The following IGF2BP3 variants were observed in gnomAD, a reference collection of about 807,000 sequenced individuals.
IGF2BP3 encodes insulin-like growth factor 2 mRNA-binding protein 3.
In IGF2BP3, 9 loss-of-function variants were observed where a neutral mutation model predicts 73.8. The ratio of observed to expected loss-of-function variants is 0.12; its 90% CI spans 0.07 to 0.21. The LOEUF is 0.21. Ranked by LOEUF, IGF2BP3 falls within the 10% of genes least tolerant of loss-of-function variation. IGF2BP3 has a pLI of 1.00. For synonymous variants in IGF2BP3, 258 were observed against 256.7 expected (o/e 1.01, Z -0.05); for missense variants, 542 against 714.0 (o/e 0.76, Z 2.75).
chr7:23,441,511 T>G (rs1436645914), intron 2 of IGF2BP3, among the ~76,000 whole-genome samples: 5 of 140,648 alleles, frequency 3.6e-5, no homozygotes, highest in Non-Finnish European at 7.5e-5. Context: ...AGGCCGAGGT[T>G]GCAGTGAGCT....
rs1187439630 is a variant in IGF2BP3 at position 23,469,358 on chromosome 7, G to A, written c.175+578C>T. ...GCCCCTATCGCTCGTCGGACCAGGG[G>A]AGGTGGAACGGGGAAACCGGGCACA... On this transcript the variant is annotated intron_variant, in intron 1 of 14. Transcript: ENST00000258729. This position sits in a 1 kb window ranked among gnomAD's most constrained non-coding sequence, Gnocchi z 6.1. The A allele has an allele frequency of 6.6e-6, 1 of 152,202 alleles. No individual in the cohort carries two copies. The highest frequency in any genetic ancestry group is 6.5e-5 in the Admixed American group (1 of 15,286). 9.4% of individuals were successfully genotyped at this position (152,202 alleles called of 1,614,324 possible). A position where few individuals can be genotyped will look rare whatever the true frequency, so the allele number is the denominator to read the frequency against.
rs1047459540 is a variant in IGF2BP3, at chr7:23,310,681, G to A, written c.*1681C>T. ...AAACTACAAAAGAAACTTGTTTTCA[G>A]AGAACATTAAGGAAAACACTTTAAA... On this transcript the variant is annotated 3_prime_UTR_variant, in exon 15 of 15. Transcript: ENST00000258729. The A allele has an allele frequency of 1.3e-5, 2 of 152,150 alleles. No homozygotes were observed. Among genetic ancestry groups the A allele is most frequent in the African/African-American group, 4.8e-5 (2 of 41,442 alleles). The allele number at this position is 152,150 out of a possible 1,614,324, so 9.4% of individuals were successfully genotyped here.
chr7:23,380,531 AC>A (rs1300242723), intron 3 of IGF2BP3, among the ~76,000 whole-genome samples: 1 of 152,162 alleles, frequency 6.6e-6, no homozygotes, highest in Non-Finnish European at 1.5e-5. Flanking sequence ...AGACTGTCAT[AC>A]ATTACTCTCA....
intron 3 of IGF2BP3, among the ~76,000 whole-genome samples, chr7:23,403,766 T>A (rs745452208): frequency 5.3e-5 from 8 of 152,146 alleles, no homozygotes; most frequent in African/African-American, 1.7e-4. Flanking sequence ...AAAATAAGAA[T>A]AGCACAATTC....
At chr7:23,367,806 G>C (rs1055306643) in intron 3 of IGF2BP3, among the ~76,000 whole-genome samples, 1 of 152,096 alleles carries the variant, frequency 6.6e-6, no homozygotes, top group Non-Finnish European at 1.5e-5. Flanking sequence ...TTTGAGACCA[G>C]CCGGGCCAAC....
chr7:23,440,499 G>A (rs2128544858), intron 2 of IGF2BP3, among the ~76,000 whole-genome samples: 1 of 152,298 alleles, frequency 6.6e-6, no homozygotes, highest in East Asian at 1.9e-4. Flanking sequence ...AATCTGTATA[G>A]GGTATTACAC....
chr7:23,372,800 T>C (rs1785598004), intron 3 of IGF2BP3, among the ~76,000 whole-genome samples: 1 of 152,238 alleles, frequency 6.6e-6, no homozygotes, highest in East Asian at 1.9e-4. Context: ...GAGTGCTTTC[T>C]GGCAGCAGCA....
intron 3 of IGF2BP3, chr7:23,402,811 T>C (rs943878462): frequency 1.3e-5 from 2 of 152,200 alleles, no homozygotes; most frequent in Non-Finnish European, 2.9e-5. Context: ...CAATTAGAAA[T>C]TTAAAAATAA....
At position 23,469,116 on chromosome 7, in the gene IGF2BP3, G is replaced by C. The variant is rs928331836; in HGVS notation, c.176-574C>G. ...AAGGACGGCGAGGCGCCCGCACCAC[G>C]TCTGAATTGATTAAAAGGGAAGCCG... On this transcript the variant is annotated intron_variant, in intron 1 of 14. Transcript: ENST00000258729. The surrounding 1 kb of genome is among the most constrained non-coding windows in gnomAD (Gnocchi z 6.1). The C allele has an allele frequency of 1.3e-5, 2 of 153,868 alleles. No homozygotes were observed. The highest frequency in any genetic ancestry group is 2.9e-5 in the Non-Finnish European group (2 of 68,600). The allele number at this position is 153,868 out of a possible 1,614,324, so 9.5% of individuals were successfully genotyped here. A position where few individuals can be genotyped will look rare whatever the true frequency, so the allele number is the denominator to read the frequency against.
At chr7:23,386,772 G>C (rs1288406015) in intron 3 of IGF2BP3, among the ~76,000 whole-genome samples, 4 of 151,756 alleles carry the variant, frequency 2.6e-5, no homozygotes, top group African/African-American at 9.7e-5. Flanking sequence ...AGGTGATCAA[G>C]GTTAACATCA....
intron 2 of IGF2BP3, among the ~76,000 whole-genome samples, chr7:23,420,041 G>A (rs746561748): frequency 1.3e-5 from 2 of 152,166 alleles, no homozygotes; most frequent in Non-Finnish European, 2.9e-5. Context: ...CATGTTAACT[G>A]TATGAGACTA....
chr7:23,340,918 C>A (rs1422053785), intron 10 of IGF2BP3, among the ~76,000 whole-genome samples: 2 of 150,436 alleles, frequency 1.3e-5, no homozygotes, highest in African/African-American at 4.9e-5. Flanking sequence ...GGCGCAATCT[C>A]AGCTCACTAC....
At chr7:23,381,147 G>A (rs913222934) in intron 3 of IGF2BP3, among the ~76,000 whole-genome samples, 3 of 152,170 alleles carry the variant, frequency 2.0e-5, no homozygotes, top group African/African-American at 7.2e-5. Context: ...CCTCCTCCCA[G>A]AAGTCTCTAT....
chr7:23,388,377 T>C lies in IGF2BP3; in HGVS notation c.286-26636A>G, dbSNP rs563915222. 2.6e-5 allele frequency among the ~76,000 whole-genome samples: 4 copies of C among 152,284 alleles called. No individual in the cohort carries two copies. The South Asian group carries it at 6.2e-4, about 24-fold the overall frequency. On this transcript the variant is annotated intron_variant, in intron 3 of 14. Coordinates refer to ENST00000258729, the MANE Select transcript of IGF2BP3 (RefSeq NM_006547.3). ...GTAATTGAGGGCCTACGTATTCAAC[T>C]GACAATGCACAGATGAACAGGAGGA...
intron 2 of IGF2BP3, among the ~76,000 whole-genome samples, chr7:23,464,395 C>T (rs902896311): frequency 5.3e-5 from 8 of 152,318 alleles, no homozygotes; most frequent in Admixed American, 5.2e-4. Flanking sequence ...ATCTTAATCA[C>T]TTTTAAGAGT....
At chr7:23,350,116 C>T (rs528943433) in intron 6 of IGF2BP3, among the ~76,000 whole-genome samples, 2 of 152,268 alleles carry the variant, frequency 1.3e-5, no homozygotes, top group East Asian at 3.9e-4. Context: ...CCACTCAGTA[C>T]AGTTCTTTTT....
chr7:23,398,985 A>G (rs1363274500), intron 3 of IGF2BP3, among the ~76,000 whole-genome samples: 3 of 152,208 alleles, frequency 2.0e-5, no homozygotes, highest in Non-Finnish European at 2.9e-5. Context: ...GTCCTTGCCC[A>G]TGCCTATGTC....
chr7:23,455,603 G>A (rs1171001145), intron 2 of IGF2BP3, among the ~76,000 whole-genome samples: 1 of 152,084 alleles, frequency 6.6e-6, no homozygotes, highest in Admixed American at 6.6e-5. Context: ...CATTACTGTT[G>A]AAAAATAAAA....
intron 3 of IGF2BP3, among the ~76,000 whole-genome samples, chr7:23,369,036 C>T (rs1785470574): frequency 6.6e-6 from 1 of 152,028 alleles, no homozygotes; most frequent in African/African-American, 2.4e-5. Context: ...CCTAGTTTTG[C>T]CTTTTAAACT....
Sources: gnomAD v4.1 joint callset for allele counts (sites outside exome capture counted in the v4.1 genomes callset) on GRCh38, gnomAD v4.1.1 for gene constraint, Gnocchi (gnomAD v3.1) non-coding constraint, MANE v1.5 for transcripts, NCBI Gene and HGNC (gene_info 2026-07-23, HGNC 2026-07-21) for gene names.